The following DENND1A variants were observed in gnomAD, a reference collection of about 807,000 sequenced individuals.
DENND1A encodes the protein DENN domain-containing protein 1A.
A neutral mutation model predicts 113.7 loss-of-function variants in DENND1A; 51 were observed. That is an observed-to-expected ratio of 0.45 (90% CI 0.36 to 0.57). The LOEUF is 0.57. DENND1A is among the 20% of genes least tolerant of loss of function. The probability of loss-of-function intolerance (pLI) is 0.00; values close to 1 mark genes in which losing one functional copy is unlikely to be tolerated. For missense variants in DENND1A, 1,258 were observed against 1,395.9 expected (o/e 0.90, Z 1.57); for synonymous variants, 565 against 570.8 (o/e 0.99, Z 0.14).
intron 1 of DENND1A, among the ~76,000 whole-genome samples, chr9:123,907,300 A>C (rs1279865698): frequency 6.7e-5 from 10 of 148,524 alleles, no homozygotes; most frequent in Non-Finnish European, 1.2e-4. Context: ...AACTGGCACA[A>C]GACAGGGATG....
intron 13 of DENND1A, among the ~76,000 whole-genome samples, chr9:123,506,827 G>A (rs563865140): frequency 6.6e-6 from 1 of 152,204 alleles, no homozygotes; most frequent in South Asian, 2.1e-4. Context: ...TGCTTTGAGG[G>A]CAAACAGAAT....
chr9:123,425,745 C>T lies in DENND1A; in HGVS notation c.1489-13916G>A, dbSNP rs375711424. Among the ~76,000 whole-genome samples the T allele has an allele frequency of 5.1e-4, 77 of 152,356 alleles. No individual in the cohort carries two copies. In the Middle Eastern group the frequency reaches 0.01, roughly 20 times the overall value. On this transcript the variant is annotated intron_variant, in intron 19 of 23. Coordinates refer to ENST00000394215, the MANE Select transcript of DENND1A (RefSeq NM_001352964.2). ...CATCCCCAGCAAGCCAGCATAGGGA[C>T]AGTGCCGGCTCAGAGCAGCAAGGGA...
At chr9:123,582,345 C>T (rs1264312360) in intron 12 of DENND1A, among the ~76,000 whole-genome samples, 1 of 152,052 alleles carries the variant, frequency 6.6e-6, no homozygotes, top group Non-Finnish European at 1.5e-5. Flanking sequence ...ACTTCACAGT[C>T]TTTCTGATGA....
chr9:123,710,829 T>C (rs10818862), intron 5 of DENND1A, among the ~76,000 whole-genome samples: 11,959 of 151,908 alleles, frequency 0.079, 661 homozygotes, highest in African/African-American at 0.15. Flanking sequence ...TGTGCCACCA[T>C]GCCAGGCTAA....
At chr9:123,899,750 A>C (rs537117659) in intron 1 of DENND1A, among the ~76,000 whole-genome samples, 1 of 152,356 alleles carries the variant, frequency 6.6e-6, no homozygotes, top group South Asian at 2.1e-4. Flanking sequence ...TTTCCTGTGC[A>C]ATGTGAAACT....
intron 10 of DENND1A, among the ~76,000 whole-genome samples, chr9:123,613,515 G>A (rs2060509649): frequency 6.6e-6 from 1 of 152,164 alleles, no homozygotes; most frequent in African/African-American, 2.4e-5. Context: ...ATTTGTTGCT[G>A]TTCTAGAAAA....
intron 1 of DENND1A, among the ~76,000 whole-genome samples, chr9:123,880,529 A>G (rs750136222): frequency 9.9e-5 from 15 of 152,260 alleles, no homozygotes; most frequent in Non-Finnish European, 1.8e-4. Flanking sequence ...TGAGGTAAGA[A>G]ACCTTCTGAG....
intron 1 of DENND1A, among the ~76,000 whole-genome samples, chr9:123,921,672 A>G (rs1163871003): frequency 6.6e-6 from 1 of 152,160 alleles, no homozygotes; most frequent in Non-Finnish European, 1.5e-5. Context: ...ACACACATTC[A>G]CTATGGATCC....
At chr9:123,546,222 G>A (rs1371596284) in intron 13 of DENND1A, among the ~76,000 whole-genome samples, 1 of 152,076 alleles carries the variant, frequency 6.6e-6, no homozygotes, top group Non-Finnish European at 1.5e-5. Context: ...TTCCTCTCAG[G>A]TTCTAAGATG....
At position 123,382,578 on chromosome 9, in the gene DENND1A, G is replaced by A. The variant is rs777065780; in HGVS notation, c.2067C>T (p.Ala689=). 4 of 1,614,144 alleles carry A rather than the reference G, an allele frequency of 2.5e-6. No homozygotes were observed. Among genetic ancestry groups the A allele is most frequent in the Middle Eastern group, 3.3e-4 (2 of 6,062 alleles). ...TGTTGTACGGGTGGGTAAGCTTCAAGGCCACTGTCACCCCGCGGCTCCTCT... is the reference window on the plus strand; with the variant it reads ...TGTTGTACGGGTGGGTAAGCTTCAAAGCCACTGTCACCCCGCGGCTCCTCT... ...GSERSRGVTV[A]LKLTHPYNKL... The change falls in exon 24 of 24, where the codon GCC becomes GCT. Residue 689 remains alanine (A), a synonymous_variant. Transcript: ENST00000394215.
At chr9:123,519,028 C>T (rs2054169383) in intron 13 of DENND1A, among the ~76,000 whole-genome samples, 1 of 152,204 alleles carries the variant, frequency 6.6e-6, no homozygotes, top group Non-Finnish European at 1.5e-5. Context: ...CCTGGGCTCC[C>T]CCGTTCCCTT....
At chr9:123,907,071 T>C (rs1564484139) in intron 1 of DENND1A, among the ~76,000 whole-genome samples, 1 of 151,270 alleles carries the variant, frequency 6.6e-6, no homozygotes, top group Admixed American at 6.6e-5. Flanking sequence ...AATCAATAAA[T>C]ATAATCCAGC....
chr9:123,727,300 A>G (rs1589827508), intron 5 of DENND1A, among the ~76,000 whole-genome samples: 1 of 152,214 alleles, frequency 6.6e-6, no homozygotes, highest in Non-Finnish European at 1.5e-5. Flanking sequence ...CCTCATTTAT[A>G]TCAAGCTAAA....
chr9:123,923,771 G>T (rs620578), intron 1 of DENND1A, among the ~76,000 whole-genome samples: 1 of 151,568 alleles, frequency 6.6e-6, no homozygotes, highest in Non-Finnish European at 1.5e-5. Context: ...ACCTATCTCC[G>T]TCTACACTGA....
At chr9:123,479,338 C>T (rs960463577) in intron 13 of DENND1A, among the ~76,000 whole-genome samples, 1 of 152,236 alleles carries the variant, frequency 6.6e-6, no homozygotes. Context: ...CAGGATCACT[C>T]CTGAACTCCA....
chr9:123,924,702 A>G (rs971812970), intron 1 of DENND1A, among the ~76,000 whole-genome samples: 7 of 152,064 alleles, frequency 4.6e-5, no homozygotes, highest in Non-Finnish European at 8.8e-5. Context: ...TTGTAATCTT[A>G]TAAGATTCAC....
At chr9:123,546,506 C>T (rs941888080) in intron 13 of DENND1A, among the ~76,000 whole-genome samples, 44 of 151,690 alleles carry the variant, frequency 2.9e-4, no homozygotes, top group African/African-American at 8.5e-4. Flanking sequence ...GAGCCTAGAT[C>T]GCACCACTGC....
rs1322229056 is a variant in DENND1A, at chr9:123,583,238, C to A, written c.798G>T (p.Val266=). Residue 266 remains valine, a synonymous_variant, in exon 12 of 24, where the codon GTG becomes GTT. Coordinates refer to ENST00000394215, the MANE Select transcript of DENND1A (RefSeq NM_001352964.2). The part of the protein sequence containing the change: ...KVRNMALDDV[V]ILNVDTNTLE... ...GGGTGTTGGTGTCCACATTCAGGAT[C>A]ACGACATCATCCAGGGCCATGTTTC... is the stretch of plus-strand genomic sequence containing the variant. 6.2e-7 allele frequency: 1 copy of A among 1,612,372 alleles called. No individual in the cohort carries two copies. The highest frequency in any genetic ancestry group is 8.5e-7 in the Non-Finnish European group (1 of 1,179,106).
chr9:123,621,479 C>T (rs1018302547), intron 10 of DENND1A, among the ~76,000 whole-genome samples: 1 of 152,180 alleles, frequency 6.6e-6, no homozygotes, highest in African/African-American at 2.4e-5. Context: ...GCCACCATAC[C>T]TGGCCTCAGT....
Sources: allele counts gnomAD v4.1 joint callset (sites outside exome capture counted in the v4.1 genomes callset), GRCh38; gene constraint gnomAD v4.1.1; transcripts MANE v1.5; gene names NCBI Gene and HGNC (gene_info 2026-07-23, HGNC 2026-07-21).